Variants in POLN observed in about 807,000 individuals in gnomAD.
POLN encodes DNA polymerase nu, also known as DNA polymerase N.
POLN carries 108 observed loss-of-function variants against 113.5 expected under a neutral mutation model. That is an observed-to-expected ratio of 0.95 (90% CI 0.81 to 1.12). The LOEUF (loss-of-function observed/expected upper bound fraction) is 1.12. Among genes scored for constraint, POLN ranks in the 50% most tolerant of loss-of-function variants. The pLI is 0.00. For synonymous variants in POLN, 386 were observed against 391.5 expected, an observed-to-expected ratio of 0.99 and a Z score of 0.17; for missense variants, 1,097 against 1,077.1, an observed-to-expected ratio of 1.02 and a Z score of -0.26.
intron 3 of POLN, among the ~76,000 whole-genome samples, chr4:2,219,301 T>C (rs972023440): frequency 6.6e-6 from 1 of 152,076 alleles, no homozygotes; most frequent in African/African-American, 2.4e-5. Context: ...AGTATCCCTT[T>C]CCCCCTTGTA....
chr4:2,172,152 C>T (rs1000279211), intron 11 of POLN, among the ~76,000 whole-genome samples: 1 of 152,184 alleles, frequency 6.6e-6, no homozygotes, highest in Non-Finnish European at 1.5e-5. Flanking sequence ...AAAATGATAT[C>T]ACTCTGGTCC....
At chr4:2,076,267 C>T (rs772330158) in intron 23 of POLN, 109 of 152,780 alleles carry the variant, frequency 7.1e-4, no homozygotes, top group Middle Eastern at 3.4e-3. Context: ...TCTTAAGGGC[C>T]GGCGCCACGC....
At chr4:2,156,652 G>A (rs1483131923) in intron 16 of POLN, 136 bp downstream of exon 16, 2 of 729,732 alleles carry the variant, frequency 2.7e-6, no homozygotes, top group Admixed American at 2.2e-5. Context: ...AGAATAAACA[G>A]AATAAAACAC....
intron 19 of POLN, among the ~76,000 whole-genome samples, chr4:2,118,341 G>A (rs1412953648): frequency 6.6e-6 from 1 of 152,090 alleles, no homozygotes; most frequent in African/African-American, 2.4e-5. Flanking sequence ...TTACTGGCTG[G>A]ACATGAGAAT....
intron 20 of POLN, among the ~76,000 whole-genome samples, chr4:2,086,766 G>A (rs981543672): frequency 2.6e-5 from 4 of 152,188 alleles, no homozygotes; most frequent in African/African-American, 9.7e-5. Flanking sequence ...GCCTTCCTGG[G>A]GGAGCATGGC....
At chr4:2,179,286 A>C in intron 8 of POLN, 22 bp downstream of exon 8, 1 of 1,597,174 alleles carries the variant, frequency 6.3e-7, no homozygotes, top group Non-Finnish European at 8.5e-7. Context: ...AGGTTGATAA[A>C]ACTTTATCTT....
rs764351250 is a variant in POLN, at chr4:2,129,178, C to T, written c.1867+1G>A. 4.4e-6 allele frequency: 7 copies of T among 1,573,384 alleles called. No individual in the cohort carries two copies. Among genetic ancestry groups the T allele is most frequent in the Non-Finnish European group, 6.1e-6 (7 of 1,143,418 alleles). On this transcript the variant is annotated splice_donor_variant, in intron 18 of 25. Transcript: ENST00000511885. LOFTEE classifies it high-confidence loss of function. ...GCATAAAGCAAGCTACAGCAACGTA[C>T]CTGCTGCTAGAAAGGTGTGGCCTTT...
intron 2 of POLN, chr4:2,241,147 A>G (rs912613203): frequency 6.1e-6 from 3 of 494,508 alleles, no homozygotes; most frequent in African/African-American, 2.0e-5. Flanking sequence ...AGTGTTTTTA[A>G]AAAGAAGACA....
Position 2,193,206 on chromosome 4 carries a change from T to C in POLN, c.1019A>G (p.His340Arg). Residue 340 changes from histidine (H) to arginine (R), a missense_variant and splice_region_variant, in exon 7 of 26, where the codon CAT becomes CGT. Coordinates refer to ENST00000511885, the MANE Select transcript of POLN (RefSeq NM_181808.4). The part of the protein sequence containing the change: ...QFFGNDGSWK[H>R]VADFIGLDPR... Reference sequence around the variant, plus strand: ...AGAGAATAAAAAATATAACTTACCATGCTTCCAACTGCCATCATTGCCAAA... The same window carrying C: ...AGAGAATAAAAAATATAACTTACCACGCTTCCAACTGCCATCATTGCCAAA... 1.9e-6 allele frequency: 3 copies of C among 1,585,698 alleles called. No homozygotes were observed. The highest frequency in any genetic ancestry group is 2.6e-6 in the Non-Finnish European group (3 of 1,159,480).
Position 2,135,520 on chromosome 4 carries a change from C to G in POLN, c.1732-4230G>C, listed in dbSNP as rs868808541. 1.2e-4 allele frequency among the ~76,000 whole-genome samples: 18 copies of G among 152,346 alleles called. 2 individuals are homozygous for G. In the Middle Eastern group the frequency reaches 0.031, roughly 259 times the overall value. On this transcript the variant is annotated intron_variant, in intron 16 of 25. Coordinates refer to ENST00000511885, the MANE Select transcript of POLN (RefSeq NM_181808.4). ...CTCTGTGATGCAAGCAGCCATCAGA[C>G]AGAGTGCCGTCCCTAACGCCTCATG...
chr4:2,129,175 G>GTA lies in POLN; in HGVS notation c.1867+2_1867+3dup. On this transcript the variant is annotated splice_donor_region_variant and intron_variant, in intron 18 of 25. Transcript: ENST00000511885. ...AATGCATAAAGCAAGCTACAGCAACGTACCTGCTGCTAGAAAGGTGTGGCC... is the reference window on the plus strand; with the variant it reads ...AATGCATAAAGCAAGCTACAGCAACGTATACCTGCTGCTAGAAAGGTGTGGCC... The GTA allele has an allele frequency of 6.4e-7, 1 of 1,567,590 alleles. No individual in the cohort carries two copies. Among genetic ancestry groups the GTA allele is most frequent in the Middle Eastern group, 1.7e-4 (1 of 5,972 alleles).
chr4:2,177,873 C>T (rs1733033683), intron 8 of POLN, among the ~76,000 whole-genome samples: 1 of 152,172 alleles, frequency 6.6e-6, no homozygotes, highest in Non-Finnish European at 1.5e-5. Context: ...GACTTTTGGA[C>T]AGAGAAAAAG....
At chr4:2,108,571 ACT>A (rs1396794260) in intron 19 of POLN, among the ~76,000 whole-genome samples, 2 of 152,096 alleles carry the variant, frequency 1.3e-5, no homozygotes, top group Admixed American at 6.6e-5. Context: ...TTTTCTTCTA[ACT>A]CTCGATTACA....
chr4:2,213,286 AG>A (rs1734036819), intron 3 of POLN, among the ~76,000 whole-genome samples, 160 bp from the exon 4 acceptor site: 1 of 152,278 alleles, frequency 6.6e-6, no homozygotes, highest in African/African-American at 2.4e-5. Flanking sequence ...TAAAATGCTT[AG>A]TACCATTGCA....
At chr4:2,206,877 A>T (rs1180103103) in intron 5 of POLN, among the ~76,000 whole-genome samples, 1 of 152,380 alleles carries the variant, frequency 6.6e-6, no homozygotes, top group South Asian at 2.1e-4. Context: ...CTACCATTTG[A>T]TCCAGCAATC....
At chr4:2,161,610 T>G (rs933880139) in intron 13 of POLN, among the ~76,000 whole-genome samples, 3 of 152,306 alleles carry the variant, frequency 2.0e-5, no homozygotes, top group Admixed American at 1.3e-4. Context: ...CCCTGCTCCA[T>G]GGCGCCCAGT....
At chr4:2,183,625 C>CA (rs1272864795) in intron 7 of POLN, among the ~76,000 whole-genome samples, 1 of 151,924 alleles carries the variant, frequency 6.6e-6, no homozygotes, top group Non-Finnish European at 1.5e-5. Flanking sequence ...ACTCCAGAGA[C>CA]AAAAAACCAC....
chr4:2,077,028 G>A (rs1441535993), intron 23 of POLN: 2 of 152,208 alleles, frequency 1.3e-5, no homozygotes, highest in African/African-American at 4.8e-5. Context: ...TAGCAGGGAG[G>A]GAGGTAAGGA....
Position 2,213,073 on chromosome 4 carries a change from T to C in POLN, c.187A>G (p.Arg63Gly). The change falls in exon 4 of 26, where the codon AGG (arginine) becomes GGG (glycine). Residue 63 changes from arginine (R) to glycine (G), a missense_variant. Physicochemically the swap from Arg to Gly is moderately radical, Grantham distance 125. Transcript: ENST00000511885. ...TTTTTTTCTGGTGATTGAGTCTTCC[T>C]GTCTTCAAGTTGTACTGAATACTTA... ...SVKYSVQLED[R>G]KTQSPEKKDL... The C allele has an allele frequency of 6.2e-7, 1 of 1,610,746 alleles. No homozygotes were observed. The highest frequency in any genetic ancestry group is 1.1e-5 in the South Asian group (1 of 90,242).
Sources: allele counts gnomAD v4.1 joint callset (sites outside exome capture counted in the v4.1 genomes callset), GRCh38; gene constraint gnomAD v4.1.1; transcripts MANE v1.5; gene names NCBI Gene and HGNC (gene_info 2026-07-23, HGNC 2026-07-21).